TAS2R1: variants seen among roughly 807,000 people sequenced by gnomAD.
The protein encoded by TAS2R1 is taste 2 receptor member 1.
For missense variants in TAS2R1, 370 were observed against 353.4 expected, an observed-to-expected ratio of 1.05 and a Z score of -0.38; for synonymous variants, 141 against 134.2, an observed-to-expected ratio of 1.05 and a Z score of -0.35.
rs1259342093 is a variant in TAS2R1, at chr5:9,629,376, G to T, written c.657C>A (p.Gly219=). The change falls in exon 1 of 1, where the codon GGC becomes GGA. Residue 219 remains glycine (G), a synonymous_variant. Transcript: ENST00000382492. ...GCAACGCGCTGATGGGTGCACCCCT[G>T]CCAGGAACCCTGCTGCCGGCCACTG... The part of the protein sequence containing the change: ...RNTVAGSRVP[G]RGAPISALLS... 1.2e-6 allele frequency: 2 copies of T among 1,614,098 alleles called. No homozygotes were observed. Among genetic ancestry groups the T allele is most frequent in the African/African-American group, 2.7e-5 (2 of 75,022 alleles).
At position 9,627,943 on chromosome 5, in the gene TAS2R1, A is replaced by G. The variant is rs1739785061; in HGVS notation, c.*1190T>C. Among the ~76,000 whole-genome samples, 1 of 152,160 alleles carries G rather than the reference A, an allele frequency of 6.6e-6. No individual in the cohort carries two copies. The highest frequency in any genetic ancestry group is 6.6e-5 in the Admixed American group (1 of 15,260). ...CAGGCCTGCGTGGCTTGGGTTAGAA[A>G]AGCTGTATTTGGGTTCCTATTACTG... On this transcript the variant is annotated 3_prime_UTR_variant, in exon 1 of 1. Coordinates refer to ENST00000382492, the MANE Select transcript of TAS2R1 (RefSeq NM_019599.3).
chr5:9,664,908 C>A (rs1406596052), intron 1 of TAS2R1, among the ~76,000 whole-genome samples: 1 of 152,196 alleles, frequency 6.6e-6, no homozygotes, highest in African/African-American at 2.4e-5. Flanking sequence ...AATGAGGAAA[C>A]AAACTTGGCA....
At chr5:9,810,124 G>C in the TAS2R1 span, among the ~76,000 whole-genome samples, 2 of 152,186 alleles carry the variant, frequency 1.3e-5, no homozygotes, top group South Asian at 4.1e-4. Flanking sequence ...TCTACTTTTA[G>C]CATGTGTGCT....
intron 1 of TAS2R1, among the ~76,000 whole-genome samples, chr5:9,680,749 A>G (rs912080153): frequency 2.6e-5 from 4 of 152,146 alleles, no homozygotes; most frequent in Non-Finnish European, 5.9e-5. Flanking sequence ...AGACATGCCA[A>G]TTAAATCTAA....
At chr5:9,646,597 C>A (rs1740195357) in intron 2 of TAS2R1, among the ~76,000 whole-genome samples, 1 of 152,164 alleles carries the variant, frequency 6.6e-6, no homozygotes, top group African/African-American at 2.4e-5. Context: ...TACTTCCTTA[C>A]AAATTACCTC....
chr5:9,663,884 G>C (rs2126497544), intron 1 of TAS2R1, among the ~76,000 whole-genome samples: 1 of 152,302 alleles, frequency 6.6e-6, no homozygotes, highest in East Asian at 1.9e-4. Flanking sequence ...GACAGAGGCA[G>C]AGACTGAAGC....
chr5:9,718,119 C>T, the TAS2R1 span, among the ~76,000 whole-genome samples: 1 of 151,256 alleles, frequency 6.6e-6, no homozygotes, highest in Admixed American at 6.6e-5. Context: ...GCCACCATGC[C>T]CAGCAATTTT....
intron 2 of TAS2R1, chr5:9,658,850 A>T (rs145091753): frequency 5.9e-5 from 9 of 152,336 alleles, no homozygotes; most frequent in African/African-American, 2.2e-4. Flanking sequence ...TTTAGTGTAA[A>T]ACCACCATAA....
chr5:9,708,770 C>G (rs2126531373), intron 1 of TAS2R1, among the ~76,000 whole-genome samples: 1 of 152,210 alleles, frequency 6.6e-6, no homozygotes, highest in Non-Finnish European at 1.5e-5. Context: ...ATGGAATGCC[C>G]AACCTGTGCT....
chr5:9,638,080 G>T (rs1052109010), intron 2 of TAS2R1, among the ~76,000 whole-genome samples: 3 of 152,280 alleles, frequency 2.0e-5, no homozygotes, highest in Admixed American at 6.5e-5. Flanking sequence ...AAAACTCAAG[G>T]CCTGCTGTTA....
At chr5:9,632,115 T>A (rs562242551), upstream of TAS2R1, among the ~76,000 whole-genome samples, 1 of 152,324 alleles carries the variant, frequency 6.6e-6, no homozygotes, top group Admixed American at 6.5e-5. Flanking sequence ...ATACTGTGCA[T>A]TAAATTCTAG....
the TAS2R1 span, among the ~76,000 whole-genome samples, chr5:9,805,436 T>C: frequency 6.6e-6 from 1 of 151,646 alleles, no homozygotes; most frequent in South Asian, 2.1e-4. Flanking sequence ...GGGAAAGACA[T>C]AACCAAAAAA....
chr5:9,686,723 C>G (rs1299201406), intron 1 of TAS2R1, among the ~76,000 whole-genome samples: 3 of 152,094 alleles, frequency 2.0e-5, no homozygotes, highest in African/African-American at 7.2e-5. Flanking sequence ...ATATTACGTT[C>G]ACATGACAGA....
At chr5:9,844,157 G>A in the TAS2R1 span, among the ~76,000 whole-genome samples, 1 of 152,232 alleles carries the variant, frequency 6.6e-6, no homozygotes, top group African/African-American at 2.4e-5. Flanking sequence ...GGAAAGGGAA[G>A]TATGAAGGAT....
the TAS2R1 span, among the ~76,000 whole-genome samples, chr5:9,729,311 A>G: frequency 2.3e-5 from 1 of 43,718 alleles, no homozygotes; most frequent in Non-Finnish European, 4.2e-5. Context: ...ACAGTCACGA[A>G]TGAGGGTCTG....
the TAS2R1 span, among the ~76,000 whole-genome samples, chr5:9,770,613 A>C: frequency 1.2e-4 from 18 of 151,876 alleles, no homozygotes; most frequent in African/African-American, 3.4e-4. Flanking sequence ...GAAATATCTC[A>C]CTTATTTTAT....
chr5:9,722,331 C>T, the TAS2R1 span, among the ~76,000 whole-genome samples: 1 of 151,860 alleles, frequency 6.6e-6, no homozygotes, highest in African/African-American at 2.4e-5. Flanking sequence ...ATAATAAATG[C>T]TGTCATTTTA....
chr5:9,787,423 T>C, the TAS2R1 span, among the ~76,000 whole-genome samples: 4 of 152,166 alleles, frequency 2.6e-5, no homozygotes, highest in African/African-American at 9.7e-5. Context: ...AAACCAGGTA[T>C]TGCAAAAGTA....
the TAS2R1 span, among the ~76,000 whole-genome samples, chr5:9,850,779 A>G: frequency 6.6e-6 from 1 of 152,220 alleles, no homozygotes; most frequent in Admixed American, 6.5e-5. Context: ...TCCTGATAAA[A>G]GATTTGTCTC....
Sources: gnomAD v4.1 joint callset for allele counts (sites outside exome capture counted in the v4.1 genomes callset) on GRCh38, gnomAD v4.1.1 for gene constraint, MANE v1.5 for transcripts, NCBI Gene and HGNC (gene_info 2026-07-23, HGNC 2026-07-21) for gene names.